The following SAMD12 variants were observed in gnomAD, a reference collection of about 807,000 sequenced individuals.
SAMD12 encodes sterile alpha motif domain-containing protein 12.
Under a neutral mutation model 15.0 loss-of-function variants are expected in SAMD12, and 9 were observed. That is an observed-to-expected ratio of 0.60 (90% CI 0.36 to 1.05). SAMD12 has a LOEUF of 1.05. SAMD12 is among the 50% of genes least tolerant of loss of function. SAMD12 has a pLI of 0.01. For missense variants in SAMD12, 230 were observed against 234.2 expected, an observed-to-expected ratio of 0.98 and a Z score of 0.12; for synonymous variants, 86 against 90.1, an observed-to-expected ratio of 0.96 and a Z score of 0.25.
At chr8:118,421,031 AC>A (rs1821971964) in intron 3 of SAMD12, among the ~76,000 whole-genome samples, 1 of 152,210 alleles carries the variant, frequency 6.6e-6, no homozygotes, top group East Asian at 1.9e-4. Flanking sequence ...CTGGTCCTTT[AC>A]AAAAAAAGTT....
intron 4 of SAMD12, among the ~76,000 whole-genome samples, chr8:118,353,765 C>A (rs1818081048): frequency 6.6e-6 from 1 of 152,098 alleles, no homozygotes; most frequent in African/African-American, 2.4e-5. Flanking sequence ...CAGCTCTGTG[C>A]CAATGAAGTG....
At chr8:118,394,455 T>A (rs1820445985) in intron 3 of SAMD12, among the ~76,000 whole-genome samples, 1 of 152,206 alleles carries the variant, frequency 6.6e-6, no homozygotes, top group Non-Finnish European at 1.5e-5. Context: ...TAAGGGTGTA[T>A]CTTTTCATTT....
At chr8:118,395,470 G>C (rs1820508873) in intron 3 of SAMD12, among the ~76,000 whole-genome samples, 1 of 152,094 alleles carries the variant, frequency 6.6e-6, no homozygotes, top group African/African-American at 2.4e-5. Flanking sequence ...TATTTAGAAA[G>C]AAAGTAAAAG....
intron 3 of SAMD12, among the ~76,000 whole-genome samples, chr8:118,435,774 C>T (rs531589490): frequency 1.3e-3 from 201 of 152,294 alleles, no homozygotes; most frequent in Non-Finnish European, 2.4e-3. Context: ...AGGTTAAAAT[C>T]ATGACTGTCA....
chr8:118,531,826 G>A lies in SAMD12; in HGVS notation c.192+48889C>T, dbSNP rs1825693681. Among the ~76,000 whole-genome samples the A allele has an allele frequency of 3.9e-5, 6 of 152,234 alleles. No individual in the cohort carries two copies. The South Asian group carries it at 1.0e-3, about 26-fold the overall frequency. On this transcript the variant is annotated intron_variant, in intron 2 of 3. Coordinates refer to ENST00000314727, the MANE Select transcript of SAMD12 (RefSeq NM_207506.3). ...TGCTTATCAGCTTAAGGAGGTTTGG[G>A]GCTGAGATGATAGGGTTTTCTAAAT... is the stretch of plus-strand genomic sequence containing the variant.
chr8:118,350,471 T>C (rs1817906052), intron 4 of SAMD12, among the ~76,000 whole-genome samples: 1 of 152,222 alleles, frequency 6.6e-6, no homozygotes, highest in Admixed American at 6.5e-5. Context: ...TTTGGTGCCT[T>C]GTTTCTTCTC....
the SAMD12 span, among the ~76,000 whole-genome samples, chr8:118,174,555 C>T: frequency 2.0e-5 from 3 of 152,072 alleles, no homozygotes; most frequent in Non-Finnish European, 4.4e-5. Context: ...ACTATACTGG[C>T]AAATGCTCCA....
intron 4 of SAMD12, among the ~76,000 whole-genome samples, chr8:118,318,789 G>A (rs549178221): frequency 1.4e-4 from 22 of 152,262 alleles, no homozygotes; most frequent in African/African-American, 4.8e-4. Flanking sequence ...CAACCCTGGG[G>A]AGGGGGCTTC....
the SAMD12 span, among the ~76,000 whole-genome samples, chr8:118,171,128 A>G: frequency 1.3e-5 from 2 of 152,256 alleles, no homozygotes; most frequent in Non-Finnish European, 2.9e-5. Context: ...TTGAGATACC[A>G]TCTCATAAAC....
At chr8:118,582,698 AC>A (rs1359920723) in intron 1 of SAMD12, among the ~76,000 whole-genome samples, 1 of 152,204 alleles carries the variant, frequency 6.6e-6, no homozygotes, top group Non-Finnish European at 1.5e-5. Flanking sequence ...GGTTAGGTTC[AC>A]AAAAGGGCAT....
At chr8:118,440,657 AACACACAC>A (rs34419362) in intron 2 of SAMD12, among the ~76,000 whole-genome samples, 34,273 of 142,044 alleles carry the variant, frequency 0.24, 4,221 homozygotes, top group East Asian at 0.35. Context: ...TTATGAGGAA[AACACACAC>A]ACACACACAC....
intron 2 of SAMD12, among the ~76,000 whole-genome samples, chr8:118,458,403 A>G (rs569577153): frequency 6.6e-5 from 10 of 152,172 alleles, no homozygotes; most frequent in Non-Finnish European, 1.2e-4. Context: ...AACAGGTGCA[A>G]AAGAAGGCTG....
intron 3 of SAMD12, among the ~76,000 whole-genome samples, chr8:118,431,516 T>C (rs1386856525): frequency 1.3e-5 from 2 of 152,098 alleles, no homozygotes; most frequent in Non-Finnish European, 2.9e-5. Context: ...GGATATAGAA[T>C]TGGTCATTTT....
At chr8:118,569,674 C>T (rs907041452) in intron 2 of SAMD12, among the ~76,000 whole-genome samples, 1 of 152,152 alleles carries the variant, frequency 6.6e-6, no homozygotes, top group Non-Finnish European at 1.5e-5. Flanking sequence ...CCTTAGCTCA[C>T]TCTCTCTGCC....
chr8:118,566,026 T>C (rs1826836803), intron 2 of SAMD12, among the ~76,000 whole-genome samples: 1 of 152,228 alleles, frequency 6.6e-6, no homozygotes, highest in South Asian at 2.1e-4. Context: ...CTAGCTCTTA[T>C]TCAGCTCTCT....
chr8:118,377,024 T>C (rs1479365916), downstream of SAMD12, among the ~76,000 whole-genome samples: 1 of 152,128 alleles, frequency 6.6e-6, no homozygotes, highest in Non-Finnish European at 1.5e-5. Context: ...ATCAATTTTG[T>C]TTCCTTTTTT....
At chr8:118,424,388 A>T (rs914216564) in intron 3 of SAMD12, among the ~76,000 whole-genome samples, 11 of 152,136 alleles carry the variant, frequency 7.2e-5, no homozygotes, top group African/African-American at 2.7e-4. Context: ...TCATAATTTA[A>T]TTTTAGGGAA....
At chr8:118,214,482 C>G (rs1257539782) in intron 4 of SAMD12, among the ~76,000 whole-genome samples, 1 of 152,214 alleles carries the variant, frequency 6.6e-6, no homozygotes, top group Admixed American at 6.5e-5. Context: ...CACTGTCAAG[C>G]TTTTCATCTT....
chr8:118,187,765 C>T (rs1819268842), downstream of SAMD12, among the ~76,000 whole-genome samples: 1 of 152,094 alleles, frequency 6.6e-6, no homozygotes, highest in African/African-American at 2.4e-5. Flanking sequence ...TTTCACGTAC[C>T]TCAGAAAACA....
Sources: allele counts gnomAD v4.1 joint callset (sites outside exome capture counted in the v4.1 genomes callset), GRCh38; gene constraint gnomAD v4.1.1; transcripts MANE v1.5; gene names NCBI Gene and HGNC (gene_info 2026-07-23, HGNC 2026-07-21).